TBCD: variants seen among roughly 807,000 people sequenced by gnomAD.
TBCD encodes tubulin-specific chaperone D.
Under a neutral mutation model 169.3 loss-of-function variants are expected in TBCD, and 105 were observed. The observed-to-expected ratio is 0.62, with a 90% CI of 0.53 to 0.73. The LOEUF (loss-of-function observed/expected upper bound fraction) is 0.73, where lower values mean the gene tolerates loss of function less well. TBCD is among the 30% of genes least tolerant of loss of function. The probability of loss-of-function intolerance (pLI) is 0.00; values close to 1 mark genes in which losing one functional copy is unlikely to be tolerated. For synonymous variants in TBCD, 700 were observed against 643.9 expected (o/e 1.09, Z -1.32); for missense variants, 1,444 against 1,600.1 (o/e 0.90, Z 1.66).
rs1051426280 is a variant in TBCD at position 82,944,544 on chromosome 17, A to G, written c.*2081A>G. On this transcript the variant is annotated 3_prime_UTR_variant, in exon 39 of 39. Coordinates refer to ENST00000355528, the MANE Select transcript of TBCD (RefSeq NM_005993.5). ...TGTTGACTCCGAGAAGGTGTTCAGA[A>G]AACCTCTCTGAAGGGGCAGCATTTG... The G allele has an allele frequency of 9.9e-5, 15 of 152,028 alleles. No homozygotes were observed. Among genetic ancestry groups the G allele is most frequent in the African/African-American group, 3.6e-4 (15 of 41,212 alleles). The allele number at this position is 152,028 out of a possible 1,614,324, so 9.4% of individuals were successfully genotyped here. A position where few individuals can be genotyped will look rare whatever the true frequency, so the allele number is the denominator to read the frequency against.
At position 82,859,523 on chromosome 17, in the gene TBCD, C is replaced by T. The variant is rs1198024263; in HGVS notation, c.1319-10701C>T. 1.9e-5 allele frequency: 19 copies of T among 984,476 alleles called. 1 individual carries two copies. Among genetic ancestry groups the T allele is most frequent in the Non-Finnish European group, 2.3e-5 (19 of 829,218 alleles). The allele number at this position is 984,476 out of a possible 1,614,324, so 61.0% of individuals were successfully genotyped here. Reference sequence around the variant, plus strand: ...TTCAGGGAGATTGGGCCTTGTGTGTCCTGTTGGGTGAGCAGACACACAAGC... The same window carrying T: ...TTCAGGGAGATTGGGCCTTGTGTGTTCTGTTGGGTGAGCAGACACACAAGC... On this transcript the variant is annotated intron_variant, in intron 13 of 38. Transcript: ENST00000355528.
rs1016357199 is a variant in TBCD at position 82,752,450 on chromosome 17, C to G, written c.184+73C>G. The G allele has an allele frequency of 7.1e-6, 8 of 1,128,130 alleles. No individual in the cohort carries two copies. The African/African-American group carries it at 1.3e-4, about 19-fold the overall frequency. The allele number at this position is 1,128,130 out of a possible 1,614,324, so 69.9% of individuals were successfully genotyped here. A position where few individuals can be genotyped will look rare whatever the true frequency, so the allele number is the denominator to read the frequency against. On this transcript the variant is annotated intron_variant, in intron 1 of 38. Transcript: ENST00000355528. ...GGCGCGCTGAGTGCACTTTACCGGG[C>G]GGGGACCGCAGCCCGGCGGCGCCGG... is the stretch of plus-strand genomic sequence containing the variant.
At chr17:82,824,667 T>G (rs1342628948) in intron 13 of TBCD, among the ~76,000 whole-genome samples, 1 of 152,244 alleles carries the variant, frequency 6.6e-6, no homozygotes, top group Non-Finnish European at 1.5e-5. Flanking sequence ...CATATTTTCT[T>G]GATCCATTCA....
At chr17:82,941,372 G>A (rs753639009) in intron 37 of TBCD, 27 bp from the exon 38 acceptor site, 7 of 1,560,372 alleles carry the variant, frequency 4.5e-6, no homozygotes, top group Non-Finnish European at 6.0e-6. Context: ...GCACTCGAGA[G>A]ACTCACGGCT....
At chr17:82,900,604 T>A (rs2059821711) in intron 17 of TBCD, 47 bp from the exon 18 acceptor site, 1 of 1,483,616 alleles carries the variant, frequency 6.7e-7, no homozygotes, top group South Asian at 1.1e-5. Context: ...AGGCAGTGAG[T>A]TCTCGTTCTT....
Position 82,906,048 on chromosome 17 carries a change from G to A in TBCD, c.1917G>A (p.Glu639=), listed in dbSNP as rs760875110. 1.2e-5 allele frequency: 19 copies of A among 1,602,748 alleles called. No individual in the cohort carries two copies. The highest frequency in any genetic ancestry group is 1.4e-5 in the Non-Finnish European group (17 of 1,174,492). Residue 639 remains glutamate, a synonymous_variant, in exon 20 of 39, where the codon GAG becomes GAA. Transcript: ENST00000355528. ...CCTTGTACAAACTTGCAGCCCAAGA[G>A]AACAGGTAGGAAGAGTGGGTCTCGA... The part of the protein sequence containing the change: ...AYALYKLAAQ[E]NRPVTDHLDE...
chr17:82,901,152 A>G (rs2059864723), intron 18 of TBCD, among the ~76,000 whole-genome samples: 1 of 152,212 alleles, frequency 6.6e-6, no homozygotes, highest in South Asian at 2.1e-4. Flanking sequence ...CGTTTTCATC[A>G]TTACAGTAGC....
chr17:82,924,329 T>C (rs763277701), intron 26 of TBCD, among the ~76,000 whole-genome samples: 2 of 152,196 alleles, frequency 1.3e-5, no homozygotes, highest in African/African-American at 2.4e-5. Context: ...TTTTGCTGTT[T>C]TTTCCTTCTT....
chr17:82,802,058 G>A (rs1001057339), intron 9 of TBCD, among the ~76,000 whole-genome samples: 17 of 104,292 alleles, frequency 1.6e-4, no homozygotes, highest in African/African-American at 5.8e-4. Flanking sequence ...TGGTGTGGAC[G>A]CGCTGTGGGG....
intron 14 of TBCD, among the ~76,000 whole-genome samples, chr17:82,881,482 C>T (rs781135997): frequency 3.9e-5 from 6 of 152,170 alleles, no homozygotes; most frequent in Admixed American, 6.5e-5. Context: ...CCAGGCCACT[C>T]CTGACAGCCC....
At chr17:82,834,196 C>G (rs2053768386) in intron 13 of TBCD, among the ~76,000 whole-genome samples, 1 of 152,160 alleles carries the variant, frequency 6.6e-6, no homozygotes, top group East Asian at 1.9e-4. Context: ...GATCCACCTG[C>G]CTTAGCCTCC....
At chr17:82,875,507 A>C (rs1419301414) in intron 14 of TBCD, among the ~76,000 whole-genome samples, 1 of 152,144 alleles carries the variant, frequency 6.6e-6, no homozygotes, top group African/African-American at 2.4e-5. Flanking sequence ...GCTCATGTTG[A>C]CATCAGCTCC....
chr17:82,874,987 G>A lies in TBCD; in HGVS notation c.1475+4607G>A, dbSNP rs2057865108. ...CAGGGAAATGGAAATGCCTGATCGA[G>A]CTGGGCGGTGGCAGCAGCCGCTCCT... On this transcript the variant is annotated intron_variant, in intron 14 of 38. Transcript: ENST00000355528. This position sits in a 1 kb window ranked among gnomAD's most constrained non-coding sequence, Gnocchi z 5.0. Among the ~76,000 whole-genome samples the A allele has an allele frequency of 1.3e-5, 2 of 152,242 alleles. No individual in the cohort carries two copies. Among genetic ancestry groups the A allele is most frequent in the Admixed American group, 6.5e-5 (1 of 15,288 alleles).
chr17:82,808,488 T>C (rs1216896342), intron 11 of TBCD, among the ~76,000 whole-genome samples: 19 of 55,994 alleles, frequency 3.4e-4, no homozygotes, highest in South Asian at 6.3e-4. Flanking sequence ...GTGGAGGGGC[T>C]GACAGGTGCT....
At position 82,833,012 on chromosome 17, in the gene TBCD, C is replaced by T. The variant is rs1330002367; in HGVS notation, c.1318+18078C>T. Among the ~76,000 whole-genome samples, 1 of 152,124 alleles carries T rather than the reference C, an allele frequency of 6.6e-6. No homozygotes were observed. The highest frequency in any genetic ancestry group is 6.5e-5 in the Admixed American group (1 of 15,280). On this transcript the variant is annotated intron_variant, in intron 13 of 38. Coordinates refer to ENST00000355528, the MANE Select transcript of TBCD (RefSeq NM_005993.5). This position sits in a 1 kb window ranked among gnomAD's most constrained non-coding sequence, Gnocchi z 4.7. ...AAAGCGCCCTGCCGGGGGCTGAGGA[C>T]ACCGAGCCCCCTCCCAGGGTCTGGA...
At chr17:82,860,535 A>G in intron 13 of TBCD, 1 of 794,418 alleles carries the variant, frequency 1.3e-6, no homozygotes, top group Non-Finnish European at 1.5e-6. Context: ...TTGCTTGAAA[A>G]GAAAGTTCTA....
chr17:82,909,956 A>C (rs891866049), intron 22 of TBCD, among the ~76,000 whole-genome samples: 3 of 152,138 alleles, frequency 2.0e-5, no homozygotes, highest in Non-Finnish European at 2.9e-5. Context: ...ACACAGTAGG[A>C]AGCCTTTGGG....
chr17:82,851,737 G>A (rs1202036869), intron 13 of TBCD, among the ~76,000 whole-genome samples: 1 of 152,212 alleles, frequency 6.6e-6, no homozygotes, highest in Admixed American at 6.5e-5. Context: ...ATAAACGCGT[G>A]GCCGACGGGC....
chr17:82,831,350 C>T lies in TBCD; in HGVS notation c.1318+16416C>T. Reference sequence around the variant, plus strand: ...AACTCGACGTGTTTTCTGTTGGGGTCCGAAGGGTTTAACCTGGAAGGACTC... The same window carrying T: ...AACTCGACGTGTTTTCTGTTGGGGTTCGAAGGGTTTAACCTGGAAGGACTC... On this transcript the variant is annotated intron_variant, in intron 13 of 38. Coordinates refer to ENST00000355528, the MANE Select transcript of TBCD (RefSeq NM_005993.5). This position sits in a 1 kb window ranked among gnomAD's most constrained non-coding sequence, Gnocchi z 4.6. The T allele has an allele frequency of 6.2e-7, 1 of 1,613,952 alleles. No individual in the cohort carries two copies. Among genetic ancestry groups the T allele is most frequent in the Non-Finnish European group, 8.5e-7 (1 of 1,180,024 alleles).
Sources: gnomAD v4.1 joint callset for allele counts (sites outside exome capture counted in the v4.1 genomes callset) on GRCh38, gnomAD v4.1.1 for gene constraint, Gnocchi (gnomAD v3.1) non-coding constraint, MANE v1.5 for transcripts, NCBI Gene and HGNC (gene_info 2026-07-23, HGNC 2026-07-21) for gene names.